ICA1: variants seen among roughly 807,000 people sequenced by gnomAD.
ICA1 encodes the protein 69 kDa islet cell autoantigen.
ICA1 carries 40 observed loss-of-function variants against 71.0 expected under a neutral mutation model. The ratio of observed to expected loss-of-function variants is 0.56; its 90% CI spans 0.44 to 0.73. The LOEUF (loss-of-function observed/expected upper bound fraction) is 0.73. Ranked by LOEUF, ICA1 falls within the 30% of genes least tolerant of loss-of-function variation. ICA1 has a pLI of 0.00. For missense variants in ICA1, 578 were observed against 576.5 expected (o/e 1.00, Z -0.03); for synonymous variants, 207 against 209.5 (o/e 0.99, Z 0.10).
At chr7:8,231,963 A>G (rs1800409664) in intron 3 of ICA1, among the ~76,000 whole-genome samples, 1 of 152,164 alleles carries the variant, frequency 6.6e-6, no homozygotes, top group African/African-American at 2.4e-5. Flanking sequence ...AGACCATCTA[A>G]GATATTATTC....
At chr7:8,190,851 T>G (rs949470434) in intron 6 of ICA1, among the ~76,000 whole-genome samples, 7 of 152,308 alleles carry the variant, frequency 4.6e-5, no homozygotes, top group African/African-American at 1.7e-4. Context: ...CTGGGCTGAG[T>G]GTTTAGGGAA....
chr7:8,193,601 A>C (rs1167162549), intron 6 of ICA1, among the ~76,000 whole-genome samples: 1 of 152,246 alleles, frequency 6.6e-6, no homozygotes, highest in Non-Finnish European at 1.5e-5. Flanking sequence ...AATCAGTAAG[A>C]AAATGGTGGT....
intron 6 of ICA1, among the ~76,000 whole-genome samples, chr7:8,168,858 A>T (rs1240435595): frequency 6.6e-6 from 1 of 152,096 alleles, no homozygotes; most frequent in African/African-American, 2.4e-5. Context: ...CATCTTCATC[A>T]TCATTACTTT....
rs1799356963 is a variant in ICA1, at chr7:8,152,618, C to CA, written c.804+4497_804+4498insT. Among the ~76,000 whole-genome samples the CA allele has an allele frequency of 1.1e-4, 15 of 141,368 alleles. No individual in the cohort carries two copies. The South Asian group carries it at 1.1e-3, about 10-fold the overall frequency. 92.7% of individuals were successfully genotyped at this position (141,368 alleles called of 152,430 possible). A position where few individuals can be genotyped will look rare whatever the true frequency, so the allele number is the denominator to read the frequency against. ...CTACCCCCAGCACTACCACCATCAC[C>CA]TCTTCCACCACTACCACCATCTCCT... On this transcript the variant is annotated intron_variant, in intron 8 of 13. Coordinates refer to ENST00000402384, the MANE Select transcript of ICA1 (RefSeq NM_001136020.3).
intron 12 of ICA1, among the ~76,000 whole-genome samples, chr7:8,131,197 C>T (rs1305576735): frequency 6.6e-6 from 1 of 152,208 alleles, no homozygotes; most frequent in African/African-American, 2.4e-5. Flanking sequence ...GGGAAACAGC[C>T]TCAAGAAGTG....
chr7:8,248,168 T>G (rs1056310292), intron 1 of ICA1, among the ~76,000 whole-genome samples: 1 of 152,220 alleles, frequency 6.6e-6, no homozygotes, highest in Non-Finnish European at 1.5e-5. Flanking sequence ...ACTTTAGTGG[T>G]AGAATTTTTC....
chr7:8,257,872 A>G (rs1810757476), intron 1 of ICA1, among the ~76,000 whole-genome samples: 1 of 152,202 alleles, frequency 6.6e-6, no homozygotes, highest in South Asian at 2.1e-4. Flanking sequence ...AGGGACACAC[A>G]TAGACACTGG....
At chr7:8,131,645 TC>T (rs929847845) in intron 12 of ICA1, among the ~76,000 whole-genome samples, 16 of 152,172 alleles carry the variant, frequency 1.1e-4, no homozygotes, top group African/African-American at 3.9e-4. Context: ...CACAAAAACC[TC>T]CCAATTATTG....
At chr7:8,157,317 C>T (rs1305695837) in intron 7 of ICA1, 103 bp from the exon 8 acceptor site, 1 of 1,123,220 alleles carries the variant, frequency 8.9e-7, no homozygotes, top group Non-Finnish European at 1.3e-6. Context: ...TTCTTTAAAG[C>T]ATGATTCTAA....
intron 6 of ICA1, among the ~76,000 whole-genome samples, chr7:8,179,492 C>G (rs1281807282): frequency 6.6e-6 from 1 of 152,180 alleles, no homozygotes; most frequent in Non-Finnish European, 1.5e-5. Context: ...CAGAAATTCT[C>G]AAAATTCGTT....
intron 6 of ICA1, among the ~76,000 whole-genome samples, chr7:8,206,851 A>C (rs1791770842): frequency 6.6e-6 from 1 of 151,988 alleles, no homozygotes; most frequent in Non-Finnish European, 1.5e-5. Flanking sequence ...ACATGCATTA[A>C]TCTGTAGACT....
chr7:8,202,638 G>A (rs1193151811), intron 6 of ICA1, among the ~76,000 whole-genome samples: 1 of 152,184 alleles, frequency 6.6e-6, no homozygotes, highest in East Asian at 1.9e-4. Flanking sequence ...GGGGATGAAT[G>A]AGAATTACTG....
At chr7:8,215,495 G>A (rs1398169980) in intron 6 of ICA1, among the ~76,000 whole-genome samples, 4 of 152,038 alleles carry the variant, frequency 2.6e-5, no homozygotes, top group Non-Finnish European at 5.9e-5. Flanking sequence ...TGTTCACCAT[G>A]CTGTACTATG....
At chr7:8,236,412 G>A (rs1801856793) in intron 1 of ICA1, among the ~76,000 whole-genome samples, 3 of 152,206 alleles carry the variant, frequency 2.0e-5, no homozygotes. Context: ...GGTGTGGGAT[G>A]TGATGTGAGA....
intron 8 of ICA1, among the ~76,000 whole-genome samples, chr7:8,152,794 C>CTACCACCAT: frequency 1.2e-5 from 1 of 80,848 alleles, no homozygotes; most frequent in South Asian, 4.6e-4. Context: ...ATCACCATCA[C>CTACCACCAT]CTCCACCACC....
At chr7:8,120,166 T>C (rs1786323903) in intron 13 of ICA1, among the ~76,000 whole-genome samples, 1 of 152,194 alleles carries the variant, frequency 6.6e-6, no homozygotes. Flanking sequence ...CAGGGTATCA[T>C]TATTCCCTTT....
At chr7:8,154,630 T>G (rs1258114186) in intron 8 of ICA1, among the ~76,000 whole-genome samples, 2 of 152,224 alleles carry the variant, frequency 1.3e-5, no homozygotes, top group African/African-American at 4.8e-5. Flanking sequence ...TGGAAATATT[T>G]ACTTAAATTT....
intron 13 of ICA1, among the ~76,000 whole-genome samples, chr7:8,126,629 T>C (rs1789300093): frequency 6.6e-6 from 1 of 152,142 alleles, no homozygotes; most frequent in South Asian, 2.1e-4. Context: ...AGCCCATAAT[T>C]ACTTAATTGT....
chr7:8,138,334 C>A (rs1794098695), intron 12 of ICA1, among the ~76,000 whole-genome samples: 1 of 152,136 alleles, frequency 6.6e-6, no homozygotes, highest in Non-Finnish European at 1.5e-5. Flanking sequence ...ATTACTAGTC[C>A]TACTATCTCA....
Sources: gnomAD v4.1 joint callset for allele counts (sites outside exome capture counted in the v4.1 genomes callset) on GRCh38, gnomAD v4.1.1 for gene constraint, MANE v1.5 for transcripts, NCBI Gene and HGNC (gene_info 2026-07-23, HGNC 2026-07-21) for gene names.